Variants in OR6Y1 observed in about 807,000 individuals in gnomAD.
The protein encoded by OR6Y1 is olfactory receptor family 6 subfamily Y member 1.
In OR6Y1, 1 loss-of-function variant was observed where a neutral mutation model predicts 0.4. That is an observed-to-expected ratio of 2.74 (90% CI 0.97 to 13.02). OR6Y1 has a LOEUF of 13.02. Ranked by LOEUF, OR6Y1 falls within the 30% of genes most tolerant of loss-of-function variation. The pLI is 0.12. For missense variants in OR6Y1, 480 were observed against 399.8 expected, an observed-to-expected ratio of 1.20 and a Z score of -1.71; for synonymous variants, 173 against 141.1, an observed-to-expected ratio of 1.23 and a Z score of -1.60.
chr1:158,547,206 A>T lies in OR6Y1; in HGVS notation c.900T>A (p.His300Gln), dbSNP rs1451063542. 1 of 1,613,510 alleles carries T rather than the reference A, an allele frequency of 6.2e-7. No individual in the cohort carries two copies. Residue 300 changes from histidine to glutamine, a missense_variant, in exon 2 of 2, where the codon CAT (histidine) becomes CAA (glutamine). By Grantham distance (24) the His-to-Gln change is conservative (BLOSUM62 0). Coordinates refer to ENST00000641622, the MANE Select transcript of OR6Y1 (RefSeq NM_001005189.2). Reference sequence around the variant, plus strand: ...TCTTTCTGAGGGCTGCCTTTACTTCATGGTTCCTCAGACAGTAAATGATGG... The same window carrying T: ...TCTTTCTGAGGGCTGCCTTTACTTCTTGGTTCCTCAGACAGTAAATGATGG... ...LNPIIYCLRN[H>Q]EVKAALRKTI...
In OR6Y1 at chr1:158,548,934, T is replaced by C. The variant is rs1260605299; in HGVS notation, c.-829A>G. ...TAGAGTTTAAATTCAGTTCCTATGA[T>C]ATTTGCTGTGACCTTTCCAGGCTAC... is the stretch of plus-strand genomic sequence containing the variant. On this transcript the variant is annotated 5_prime_UTR_variant, in exon 2 of 2. In the 5' UTR this introduces an upstream ATG that the reference lacks. Transcript: ENST00000641622. 7 of 151,626 alleles carry C rather than the reference T, an allele frequency of 4.6e-5. No homozygotes were observed. Among genetic ancestry groups the C allele is most frequent in the Non-Finnish European group, 1.0e-4 (7 of 68,020 alleles). The allele number at this position is 151,626 out of a possible 1,614,324, so 9.4% of individuals were successfully genotyped here. A position where few individuals can be genotyped will look rare whatever the true frequency, so the allele number is the denominator to read the frequency against.
At chr1:158,553,422 A>G (rs1353234833) in intron 1 of OR6Y1, among the ~76,000 whole-genome samples, 1 of 152,164 alleles carries the variant, frequency 6.6e-6, no homozygotes, top group Non-Finnish European at 1.5e-5. Context: ...AGGATACTGA[A>G]TGTTCCCAAC....
rs562607999 is a variant in OR6Y1 at position 158,554,355 on chromosome 1, A to G, written c.-1522T>C. ...GAAAAGAGAAGAAATCATGTAGACC[A>G]AGAGAAGAACAATGTACATAAGCCT... On this transcript the variant is annotated 5_prime_UTR_variant, in exon 1 of 2. Coordinates refer to ENST00000641622, the MANE Select transcript of OR6Y1 (RefSeq NM_001005189.2). 1 of 152,388 alleles carries G rather than the reference A, an allele frequency of 6.6e-6. No individual in the cohort carries two copies. Among genetic ancestry groups the G allele is most frequent in the East Asian group, 1.9e-4 (1 of 5,186 alleles). 9.4% of individuals were successfully genotyped at this position (152,388 alleles called of 1,614,324 possible).
At chr1:158,550,656 G>A (rs564815672) in intron 1 of OR6Y1, among the ~76,000 whole-genome samples, 5 of 151,830 alleles carry the variant, frequency 3.3e-5, no homozygotes, top group African/African-American at 9.7e-5. Context: ...ACAGGCACAT[G>A]CATTGTAGAT....
rs1191590733 is a variant in OR6Y1 at position 158,548,074 on chromosome 1, T to G, written c.32A>C (p.His11Pro). Reference protein sequence around the residue: MTTIILEVDNHTVTTRFILLG... With the variant: MTTIILEVDNPTVTTRFILLG... Reference sequence around the variant, plus strand: ...AAGAATGAAACGTGTTGTCACTGTATGATTATCTACTTCCAGAATTATGGT... The same window carrying G: ...AAGAATGAAACGTGTTGTCACTGTAGGATTATCTACTTCCAGAATTATGGT... Residue 11 changes from histidine to proline, a missense_variant, in exon 2 of 2, where the codon CAT becomes CCT. Transcript: ENST00000641622. 6.2e-7 allele frequency: 1 copy of G among 1,613,234 alleles called. No homozygotes were observed. Among genetic ancestry groups the G allele is most frequent in the Admixed American group, 1.7e-5 (1 of 59,978 alleles).
In OR6Y1 at chr1:158,546,702, A is replaced by G. The variant is rs1448836340; in HGVS notation, c.*426T>C. 37 of 163,426 alleles carry G rather than the reference A, an allele frequency of 2.3e-4. No homozygotes were observed. The highest frequency in any genetic ancestry group is 4.0e-5 in the Non-Finnish European group (3 of 74,628). 10.1% of individuals were successfully genotyped at this position (163,426 alleles called of 1,614,324 possible). On this transcript the variant is annotated 3_prime_UTR_variant, in exon 2 of 2. Coordinates refer to ENST00000641622, the MANE Select transcript of OR6Y1 (RefSeq NM_001005189.2). ...TTGAACTTTTTCTTTTACTTCTACA[A>G]TATAGAGTGTTTAAAAACCCTTTTC... is the stretch of plus-strand genomic sequence containing the variant.
At position 158,548,635 on chromosome 1, in the gene OR6Y1, C is replaced by T. The variant is rs1647619781; in HGVS notation, c.-530G>A. On this transcript the variant is annotated 5_prime_UTR_variant, in exon 2 of 2. It adds an upstream start codon to the 5' untranslated region. Coordinates refer to ENST00000641622, the MANE Select transcript of OR6Y1 (RefSeq NM_001005189.2). The stretch of plus-strand genomic sequence containing the variant: ...ATGAAGCAATAGTTGAGCATACCCA[C>T]AGGATTAACAGCAAAATCAGGTTTG... 6.6e-6 allele frequency: 1 copy of T among 152,570 alleles called. No individual in the cohort carries two copies. The highest frequency in any genetic ancestry group is 1.5e-5 in the Non-Finnish European group (1 of 68,650). The allele number at this position is 152,570 out of a possible 1,614,324, so 9.5% of individuals were successfully genotyped here.
chr1:158,553,772 T>C (rs1647764378), intron 1 of OR6Y1, among the ~76,000 whole-genome samples: 1 of 152,156 alleles, frequency 6.6e-6, no homozygotes, highest in Non-Finnish European at 1.5e-5. Flanking sequence ...TTTTCTCTTT[T>C]TTTGTCCCTT....
At chr1:158,552,031 A>G (rs749236161) in intron 1 of OR6Y1, among the ~76,000 whole-genome samples, 1 of 151,942 alleles carries the variant, frequency 6.6e-6, no homozygotes, top group Admixed American at 6.6e-5. Context: ...AACCCAATGC[A>G]CCCACATTCA....
In OR6Y1 at chr1:158,545,673, C is replaced by G. The variant is rs1158994723; in HGVS notation, c.*1455G>C. The G allele has an allele frequency of 6.6e-6, 1 of 151,852 alleles. No individual in the cohort carries two copies. Among genetic ancestry groups the G allele is most frequent in the African/African-American group, 2.4e-5 (1 of 41,314 alleles). The allele number at this position is 151,852 out of a possible 1,614,324, so 9.4% of individuals were successfully genotyped here. Reference sequence around the variant, plus strand: ...TCATCTTGTAAATATGTTTAAGTTCCTTATAGATGCTGAATATTAGACCTT... The same window carrying G: ...TCATCTTGTAAATATGTTTAAGTTCGTTATAGATGCTGAATATTAGACCTT... On this transcript the variant is annotated 3_prime_UTR_variant, in exon 2 of 2. Coordinates refer to ENST00000641622, the MANE Select transcript of OR6Y1 (RefSeq NM_001005189.2).
rs1013370629 is a variant in OR6Y1, at chr1:158,546,512, T to C, written c.*616A>G. The C allele has an allele frequency of 6.6e-6, 1 of 152,162 alleles. No individual in the cohort carries two copies. The highest frequency in any genetic ancestry group is 2.4e-5 in the African/African-American group (1 of 41,456). 9.4% of individuals were successfully genotyped at this position (152,162 alleles called of 1,614,324 possible). ...CTTAATCTTTTGTTTTTAAACGCCT[T>C]AACAAATTAGTCATTTATGTTATTT... On this transcript the variant is annotated 3_prime_UTR_variant, in exon 2 of 2. Coordinates refer to ENST00000641622, the MANE Select transcript of OR6Y1 (RefSeq NM_001005189.2).
chr1:158,550,907 G>T (rs1433331764), intron 1 of OR6Y1, among the ~76,000 whole-genome samples: 1 of 151,864 alleles, frequency 6.6e-6, no homozygotes. Flanking sequence ...GTATGTGAAA[G>T]CACATTCACA....
chr1:158,550,624 A>G (rs9804005), intron 1 of OR6Y1, among the ~76,000 whole-genome samples: 76,923 of 151,278 alleles, frequency 0.51, 20,224 homozygotes, highest in African/African-American at 0.61. Context: ...GTTAATGTAT[A>G]AAGAGGTAGA....
At chr1:158,551,743 T>TACACACAC (rs144175888) in intron 1 of OR6Y1, among the ~76,000 whole-genome samples, 26,741 of 139,480 alleles carry the variant, frequency 0.19, 2,859 homozygotes, top group African/African-American at 0.28. Flanking sequence ...TTGTAGTGAT[T>TACACACAC]ACACACACAC....
In OR6Y1 at chr1:158,546,870, T is replaced by A. The variant is rs1201113418; in HGVS notation, c.*258A>T. 3.1e-6 allele frequency: 1 copy of A among 319,274 alleles called. No homozygotes were observed. Among genetic ancestry groups the A allele is most frequent in the Non-Finnish European group, 5.8e-6 (1 of 172,620 alleles). 19.8% of individuals were successfully genotyped at this position (319,274 alleles called of 1,614,324 possible). On this transcript the variant is annotated 3_prime_UTR_variant, in exon 2 of 2. Transcript: ENST00000641622. ...CTACCACCCACTCTCTCTGTCTCTC[T>A]CTCTGTGTTTCTTCCTGATTTCAAA...
In OR6Y1 at chr1:158,548,113, T is replaced by C. The variant is rs755623682; in HGVS notation, c.-8A>G. On this transcript the variant is annotated 5_prime_UTR_variant, in exon 2 of 2. Coordinates refer to ENST00000641622, the MANE Select transcript of OR6Y1 (RefSeq NM_001005189.2). ...CAGAATTATGGTGGTCATGACTGGC[T>C]GTGGGCACAGACAAAGTCAGTTCCT... The C allele has an allele frequency of 6.2e-7, 1 of 1,607,176 alleles. No homozygotes were observed.
chr1:158,549,654 T>C lies in OR6Y1; in HGVS notation c.-1432-117A>G, dbSNP rs530144325. ...CAGTGTAAATGCAAATAATTTTCTT[T>C]TCTGTTGGAATATAGTTCCTGAGAA... On this transcript the variant is annotated intron_variant, in intron 1 of 1. Transcript: ENST00000641622. 4.5e-4 allele frequency: 69 copies of C among 151,844 alleles called. 2 individuals carry two copies. The highest frequency in any genetic ancestry group is 1.7e-3 in the African/African-American group (68 of 41,156). The allele number at this position is 151,844 out of a possible 1,614,324, so 9.4% of individuals were successfully genotyped here.
rs907274738 is a variant in OR6Y1 at position 158,550,397 on chromosome 1, G to A, written c.-1432-860C>T. 6.6e-5 allele frequency among the ~76,000 whole-genome samples: 10 copies of A among 151,394 alleles called. No individual in the cohort carries two copies. The East Asian group carries it at 1.9e-3, about 29-fold the overall frequency. On this transcript the variant is annotated intron_variant, in intron 1 of 1. Transcript: ENST00000641622. ...CAGAGTCCAGATGAAGCTCCACAAAGTAAAAATACAAGGAAATAAAAAGGA... is the reference window on the plus strand; with the variant it reads ...CAGAGTCCAGATGAAGCTCCACAAAATAAAAATACAAGGAAATAAAAAGGA...
chr1:158,547,368 A>G lies in OR6Y1; in HGVS notation c.738T>C (p.Cys246=). ...GAATTACGACGGTCAGGTGGGAGGCACAGGTGGAGAATGCCTTTTGGCGGC... is the reference window on the plus strand; with the variant it reads ...GAATTACGACGGTCAGGTGGGAGGCGCAGGTGGAGAATGCCTTTTGGCGGC... ...AQGRQKAFST[C]ASHLTVVILF... is the part of the protein sequence containing the mutation. The change falls in exon 2 of 2, where the codon TGT becomes TGC. Residue 246 remains cysteine (C), a synonymous_variant. Coordinates refer to ENST00000641622, the MANE Select transcript of OR6Y1 (RefSeq NM_001005189.2). The G allele has an allele frequency of 1.2e-6, 2 of 1,613,620 alleles. No homozygotes were observed. Among genetic ancestry groups the G allele is most frequent in the Non-Finnish European group, 1.7e-6 (2 of 1,179,992 alleles).
Sources: gnomAD v4.1 joint callset for allele counts (sites outside exome capture counted in the v4.1 genomes callset) on GRCh38, gnomAD v4.1.1 for gene constraint, MANE v1.5 for transcripts, NCBI Gene and HGNC (gene_info 2026-07-23, HGNC 2026-07-21) for gene names.